The following NMNAT2 variants were observed in gnomAD, a reference collection of about 807,000 sequenced individuals.
The protein encoded by NMNAT2 is nicotinamide nucleotide adenylyltransferase 2, also known as nicotinamide/nicotinic acid mononucleotide adenylyltransferase 2.
Under a neutral mutation model 41.6 loss-of-function variants are expected in NMNAT2, and 11 were observed. The observed-to-expected ratio is 0.26, with a 90% confidence interval of 0.17 to 0.44. The LOEUF (loss-of-function observed/expected upper bound fraction) is 0.44, where lower values mean the gene tolerates loss of function less well. Ranked by LOEUF, NMNAT2 falls within the 20% of genes least tolerant of loss-of-function variation. NMNAT2 has a pLI of 1.00. For synonymous variants in NMNAT2, 148 were observed against 151.2 expected (o/e 0.98, Z 0.16); for missense variants, 288 against 407.7 (o/e 0.71, Z 2.53).
intron 1 of NMNAT2, among the ~76,000 whole-genome samples, chr1:183,363,547 T>G (rs1663348048): frequency 6.7e-6 from 1 of 149,838 alleles, no homozygotes; most frequent in Non-Finnish European, 1.5e-5. Context: ...GTGAGTTTAT[T>G]ATGAGGAGTC....
rs1663704932 is a variant in NMNAT2, at chr1:183,377,513, C to T, written c.85+40670G>A. Among the ~76,000 whole-genome samples, 5 of 152,050 alleles carry T rather than the reference C, an allele frequency of 3.3e-5. No homozygotes were observed. The South Asian group carries it at 6.2e-4, about 19-fold the overall frequency. On this transcript the variant is annotated intron_variant, in intron 1 of 10. Coordinates refer to ENST00000287713, the MANE Select transcript of NMNAT2 (RefSeq NM_015039.4). Reference sequence around the variant, plus strand: ...AGTCTATGCCATAAATACAAGTTACCGTTAAAGGAATTGGAAGACTTTGGT... The same window carrying T: ...AGTCTATGCCATAAATACAAGTTACTGTTAAAGGAATTGGAAGACTTTGGT...
intron 7 of NMNAT2, among the ~76,000 whole-genome samples, chr1:183,281,330 A>G (rs1395790194): frequency 1.3e-5 from 2 of 152,104 alleles, no homozygotes; most frequent in African/African-American, 2.4e-5. Flanking sequence ...TGCTACTGGC[A>G]TCTAGTGGGT....
intron 8 of NMNAT2, among the ~76,000 whole-genome samples, chr1:183,273,598 G>A (rs1352011917): frequency 1.3e-5 from 2 of 152,198 alleles, no homozygotes; most frequent in Non-Finnish European, 2.9e-5. Context: ...ACTCCTGAAA[G>A]ATGTTCCTTT....
At chr1:183,341,742 A>AAAC (rs57061801) in intron 1 of NMNAT2, among the ~76,000 whole-genome samples, 5 of 137,216 alleles carry the variant, frequency 3.6e-5, no homozygotes, top group African/African-American at 1.2e-4. Flanking sequence ...AAAAAAAAAA[A>AAAC]AAAAACCTGT....
At chr1:183,369,248 T>C (rs1364043861) in intron 1 of NMNAT2, among the ~76,000 whole-genome samples, 3 of 135,382 alleles carry the variant, frequency 2.2e-5, no homozygotes, top group South Asian at 2.5e-4. Context: ...ATTCTTTTTT[T>C]TTTTCTTTTC....
rs779439423 is a variant in NMNAT2 at position 183,292,773 on chromosome 1, C to G, written c.242+17G>C. ...GTCTCCGGGCCACTGCCTCTGGCAT[C>G]TTCAGGCCAGTCCTACCTGATCCAA... On this transcript the variant is annotated intron_variant, in intron 3 of 10. Coordinates refer to ENST00000287713, the MANE Select transcript of NMNAT2 (RefSeq NM_015039.4). The G allele has an allele frequency of 3.0e-5, 49 of 1,612,316 alleles. No individual in the cohort carries two copies. In the Admixed American group the frequency reaches 7.9e-4, roughly 26 times the overall value.
At chr1:183,286,430 AC>A (rs1323685525) in intron 5 of NMNAT2, among the ~76,000 whole-genome samples, 1 of 151,986 alleles carries the variant, frequency 6.6e-6, no homozygotes, top group Non-Finnish European at 1.5e-5. Flanking sequence ...AGTGCACACC[AC>A]CACCTGCCTC....
intron 1 of NMNAT2, among the ~76,000 whole-genome samples, chr1:183,340,238 C>A (rs931767856): frequency 1.3e-5 from 2 of 152,148 alleles, no homozygotes; most frequent in Non-Finnish European, 2.9e-5. Flanking sequence ...GGAAGACATC[C>A]TCAAATAGAT....
intron 1 of NMNAT2, among the ~76,000 whole-genome samples, chr1:183,391,314 C>T (rs1332806879): frequency 6.6e-6 from 1 of 152,156 alleles, no homozygotes; most frequent in African/African-American, 2.4e-5. Context: ...CTGTCTGTAA[C>T]TCTGTATTCT....
intron 1 of NMNAT2, among the ~76,000 whole-genome samples, chr1:183,384,659 T>A (rs1396331416): frequency 6.6e-6 from 1 of 152,182 alleles, no homozygotes; most frequent in Admixed American, 6.5e-5. Flanking sequence ...GGGACACAGA[T>A]CCAAACCATA....
chr1:183,277,004 A>G (rs1558113861), intron 8 of NMNAT2, among the ~76,000 whole-genome samples: 1 of 152,178 alleles, frequency 6.6e-6, no homozygotes, highest in African/African-American at 2.4e-5. Flanking sequence ...TTCACCTTAC[A>G]TAGCTTTGTG....
chr1:183,252,887 G>A (rs777351726), intron 10 of NMNAT2, 144 bp from the exon 11 acceptor site: 43 of 613,796 alleles, frequency 7.0e-5, no homozygotes, highest in Non-Finnish European at 1.1e-4. Flanking sequence ...AGGCCCTCTT[G>A]CCTCCACAAC....
At chr1:183,375,091 A>G (rs980059063) in intron 1 of NMNAT2, among the ~76,000 whole-genome samples, 1 of 152,164 alleles carries the variant, frequency 6.6e-6, no homozygotes, top group Non-Finnish European at 1.5e-5. Flanking sequence ...TCTTAGGACA[A>G]TCACCACAGC....
chr1:183,302,453 C>T (rs1661880804), intron 1 of NMNAT2, among the ~76,000 whole-genome samples: 1 of 152,172 alleles, frequency 6.6e-6, no homozygotes, highest in Non-Finnish European at 1.5e-5. Flanking sequence ...GTGTTATTAA[C>T]TTTGTCTTTT....
intron 1 of NMNAT2, among the ~76,000 whole-genome samples, chr1:183,327,767 G>A (rs1189592867): frequency 6.6e-6 from 1 of 152,166 alleles, no homozygotes; most frequent in Non-Finnish European, 1.5e-5. Context: ...GTGATGCCTG[G>A]AGAATTAGAA....
rs369873732 is a variant in NMNAT2 at position 183,348,411 on chromosome 1, A to T, written c.86-54618T>A. 5.3e-5 allele frequency among the ~76,000 whole-genome samples: 8 copies of T among 152,330 alleles called. No homozygotes were observed. The East Asian group carries it at 1.3e-3, about 26-fold the overall frequency. The stretch of plus-strand genomic sequence containing the variant: ...TCTCCCTCACCATCAAAACCCATCC[A>T]TTGAGCTCCCCTGTATATAAGGAAC... On this transcript the variant is annotated intron_variant, in intron 1 of 10. Transcript: ENST00000287713.
At position 183,252,510 on chromosome 1, in the gene NMNAT2, A is replaced by G. The variant is rs200777566; in HGVS notation, c.*131T>C. 1.4e-4 allele frequency: 100 copies of G among 691,560 alleles called. 3 individuals are homozygous for G. In the South Asian group the frequency reaches 1.5e-3, roughly 10 times the overall value. 42.8% of individuals were successfully genotyped at this position (691,560 alleles called of 1,614,324 possible). A position where few individuals can be genotyped will look rare whatever the true frequency, so the allele number is the denominator to read the frequency against. ...CCATGGTTCTCTGCAGGTCCCCCAC[A>G]CTATGGGGGGTTAAGTCAGCAAGTA... On this transcript the variant is annotated 3_prime_UTR_variant, in exon 11 of 11. Coordinates refer to ENST00000287713, the MANE Select transcript of NMNAT2 (RefSeq NM_015039.4).
chr1:183,302,723 G>A (rs948175964), intron 1 of NMNAT2, among the ~76,000 whole-genome samples: 3 of 152,162 alleles, frequency 2.0e-5, no homozygotes, highest in African/African-American at 7.2e-5. Flanking sequence ...TGCCCCAGAG[G>A]CTGCTGAATT....
chr1:183,349,934 C>T (rs664840), intron 1 of NMNAT2, among the ~76,000 whole-genome samples: 1 of 152,074 alleles, frequency 6.6e-6, no homozygotes. Flanking sequence ...TCTCTCAGGC[C>T]GAAATCAGGA....
Sources: gnomAD v4.1 joint callset for allele counts (sites outside exome capture counted in the v4.1 genomes callset) on GRCh38, gnomAD v4.1.1 for gene constraint, MANE v1.5 for transcripts, NCBI Gene and HGNC (gene_info 2026-07-23, HGNC 2026-07-21) for gene names.